NRXN3: variants seen among roughly 807,000 people sequenced by gnomAD.
NRXN3 encodes the protein neurexin 3, also known as neurexin III.
Under a neutral mutation model 137.6 loss-of-function variants are expected in NRXN3, and 32 were observed. The observed-to-expected ratio is 0.23, with a 90% CI of 0.18 to 0.31. NRXN3 has a LOEUF of 0.31. Among genes scored for constraint, NRXN3 ranks in the 10% least tolerant of loss-of-function variants. The pLI, the probability that NRXN3 is intolerant of heterozygous loss-of-function variation, is 1.00. For missense variants in NRXN3, 1,574 were observed against 2,062.5 expected (o/e 0.76, Z 4.59); for synonymous variants, 798 against 784.5 (o/e 1.02, Z -0.29).
At chr14:79,712,717 T>C (rs1419214033) in intron 19 of NRXN3, among the ~76,000 whole-genome samples, 1 of 152,122 alleles carries the variant, frequency 6.6e-6, no homozygotes, top group East Asian at 1.9e-4. Context: ...CCGACAGGAC[T>C]CCATTATTTC....
At chr14:78,386,882 T>C (rs73319535) in intron 4 of NRXN3, among the ~76,000 whole-genome samples, 4,296 of 152,060 alleles carry the variant, frequency 0.028, 180 homozygotes, top group African/African-American at 0.093. Context: ...CCATTTCAAG[T>C]GATTGTCCTA....
chr14:79,128,660 G>A (rs1275105786), intron 15 of NRXN3, among the ~76,000 whole-genome samples: 1 of 152,002 alleles, frequency 6.6e-6, no homozygotes, highest in Admixed American at 6.6e-5. Context: ...TGTCTCTGCT[G>A]GGCTTTGGTA....
At chr14:78,176,548 C>T (rs2059290503) in intron 1 of NRXN3, among the ~76,000 whole-genome samples, 2 of 151,988 alleles carry the variant, frequency 1.3e-5, no homozygotes, top group Admixed American at 1.3e-4. Context: ...GCATGGGACC[C>T]TTATGTTATA....
rs1268928921 is a variant in NRXN3, at chr14:78,466,554, C to CT, written c.757+168696dup. On this transcript the variant is annotated intron_variant, in intron 4 of 20. Transcript: ENST00000335750. ...TGTAGAAAAGAAAGTGGTTTAATGG[C>CT]TTGTGGAGAACCTTGGATGCTTTGC... 6.6e-5 allele frequency among the ~76,000 whole-genome samples: 10 copies of CT among 152,276 alleles called. No individual in the cohort carries two copies. The South Asian group carries it at 1.7e-3, about 25-fold the overall frequency.
chr14:79,790,291 G>C (rs2099141043), intron 19 of NRXN3, among the ~76,000 whole-genome samples: 1 of 151,592 alleles, frequency 6.6e-6, no homozygotes, highest in African/African-American at 2.4e-5. Flanking sequence ...GAGAGAGGGA[G>C]AGAGGGAGCA....
intron 15 of NRXN3, among the ~76,000 whole-genome samples, chr14:79,447,914 C>T (rs768635221): frequency 5.9e-5 from 9 of 152,196 alleles, no homozygotes; most frequent in Non-Finnish European, 1.3e-4. Context: ...AGGCCTCTCT[C>T]CATGCTGGTT....
intron 15 of NRXN3, chr14:79,279,891 T>G: frequency 2.0e-6 from 2 of 1,018,902 alleles, no homozygotes; most frequent in Non-Finnish European, 2.3e-6. Context: ...TTCTCTTCCT[T>G]CATTGCCACC....
rs2076503205 is a variant in NRXN3 at position 78,297,893 on chromosome 14, C to T, written c.757+33C>T. On this transcript the variant is annotated intron_variant, in intron 4 of 20. Transcript: ENST00000335750. ...CTTTGTGCTTGTGGTCCTGCAGCTG[C>T]CTGAACTGCTTGCCTCCGTGCCTCT... 5.2e-6 allele frequency: 8 copies of T among 1,535,940 alleles called. No homozygotes were observed. The East Asian group carries it at 2.0e-4, about 38-fold the overall frequency.
intron 4 of NRXN3, among the ~76,000 whole-genome samples, chr14:78,356,765 G>A (rs1468564470): frequency 6.6e-6 from 1 of 152,198 alleles, no homozygotes; most frequent in Non-Finnish European, 1.5e-5. Flanking sequence ...TTATATGCCA[G>A]TTTAATTGTC....
chr14:78,910,467 T>C (rs1012050469), intron 10 of NRXN3, among the ~76,000 whole-genome samples: 1 of 152,134 alleles, frequency 6.6e-6, no homozygotes, highest in Non-Finnish European at 1.5e-5. Flanking sequence ...AACCAAATCA[T>C]GACTATTTGT....
rs1046778867 is a variant in NRXN3 at position 78,285,733 on chromosome 14, G to T, written c.727+7071G>T. 2.6e-5 allele frequency among the ~76,000 whole-genome samples: 4 copies of T among 152,204 alleles called. No homozygotes were observed. The East Asian group carries it at 5.8e-4, about 22-fold the overall frequency. Reference sequence around the variant, plus strand: ...CCCACATCCTGCTGAAAGAAAGTCCGCTTTTTATTGGGGTTCACCCTGAGA... The same window carrying T: ...CCCACATCCTGCTGAAAGAAAGTCCTCTTTTTATTGGGGTTCACCCTGAGA... On this transcript the variant is annotated intron_variant, in intron 3 of 20. Coordinates refer to ENST00000335750, the MANE Select transcript of NRXN3 (RefSeq NM_001330195.2).
chr14:79,800,923 A>G (rs1193609220), intron 19 of NRXN3, among the ~76,000 whole-genome samples: 3 of 152,218 alleles, frequency 2.0e-5, no homozygotes, highest in Non-Finnish European at 4.4e-5. Context: ...GATGTTAGGG[A>G]CAAAAGTAGT....
At chr14:78,753,858 T>A (rs1567220434) in intron 8 of NRXN3, 1 of 152,200 alleles carries the variant, frequency 6.6e-6, no homozygotes, top group Non-Finnish European at 1.5e-5. Flanking sequence ...GAGAATGAGA[T>A]CTAGTCTTGT....
At chr14:78,554,590 AC>A (rs2096721372) in intron 4 of NRXN3, among the ~76,000 whole-genome samples, 1 of 152,108 alleles carries the variant, frequency 6.6e-6, no homozygotes, top group African/African-American at 2.4e-5. Flanking sequence ...AATTCTCATG[AC>A]TTTTACACTT....
chr14:78,389,538 T>C (rs1435711790), intron 4 of NRXN3, among the ~76,000 whole-genome samples: 1 of 152,218 alleles, frequency 6.6e-6, no homozygotes, highest in East Asian at 1.9e-4. Flanking sequence ...CCTTTTAAAT[T>C]TATTGTTATA....
At chr14:79,104,107 G>A (rs1382084054) in intron 15 of NRXN3, among the ~76,000 whole-genome samples, 1 of 152,120 alleles carries the variant, frequency 6.6e-6, no homozygotes, top group African/African-American at 2.4e-5. Flanking sequence ...TTGTTATCAG[G>A]GAAGTCTTCT....
intron 15 of NRXN3, among the ~76,000 whole-genome samples, chr14:78,990,528 C>T (rs936300326): frequency 1.1e-4 from 17 of 151,904 alleles, no homozygotes; most frequent in African/African-American, 2.9e-4. Context: ...CCTGCCACTA[C>T]GCTCAGCTAA....
rs61320632 is a variant in NRXN3, at chr14:78,760,034, C to CTTTT, written c.2045-43565_2045-43562dup. 2.3e-3 allele frequency among the ~76,000 whole-genome samples: 198 copies of CTTTT among 86,708 alleles called. 6 individuals are homozygous for CTTTT. The highest frequency in any genetic ancestry group is 5.5e-3 in the African/African-American group (109 of 19,994). 56.9% of individuals were successfully genotyped at this position (86,708 alleles called of 152,430 possible). ...AAAGCCAGGACCCAGAGCCTGCAGT[C>CTTTT]TTTTTTTTTTTTTTTTTTTTTTTTG... On this transcript the variant is annotated intron_variant, in intron 8 of 20. Transcript: ENST00000335750.
Position 79,176,463 on chromosome 14 carries a change from T to C in NRXN3, c.3262+188322T>C, listed in dbSNP as rs2062357099. Among the ~76,000 whole-genome samples, 3 of 152,280 alleles carry C rather than the reference T, an allele frequency of 2.0e-5. No homozygotes were observed. In the South Asian group the frequency reaches 6.2e-4, roughly 32 times the overall value. Reference sequence around the variant, plus strand: ...GTGATCCCCCAGCTACAGGATAAAATCCCAACTCCTCAGTGATGTACAGAC... The same window carrying C: ...GTGATCCCCCAGCTACAGGATAAAACCCCAACTCCTCAGTGATGTACAGAC... On this transcript the variant is annotated intron_variant, in intron 15 of 20. Coordinates refer to ENST00000335750, the MANE Select transcript of NRXN3 (RefSeq NM_001330195.2).
Sources: allele counts gnomAD v4.1 joint callset (sites outside exome capture counted in the v4.1 genomes callset), GRCh38; gene constraint gnomAD v4.1.1; transcripts MANE v1.5; gene names NCBI Gene and HGNC (gene_info 2026-07-23, HGNC 2026-07-21).